CHMP4C: variants seen among roughly 807,000 people sequenced by gnomAD.
CHMP4C encodes the protein charged multivesicular body protein 4C.
A neutral mutation model predicts 29.0 loss-of-function variants in CHMP4C; 28 were observed. The ratio of observed to expected loss-of-function variants is 0.97; its 90% CI spans 0.72 to 1.32. The LOEUF is 1.32. Ranked by LOEUF, CHMP4C falls within the 40% of genes most tolerant of loss-of-function variation. The probability of loss-of-function intolerance (pLI) is 0.00; values close to 1 mark genes in which losing one functional copy is unlikely to be tolerated. For missense variants in CHMP4C, 291 were observed against 281.0 expected, an observed-to-expected ratio of 1.04 and a Z score of -0.25; for synonymous variants, 106 against 102.4, an observed-to-expected ratio of 1.04 and a Z score of -0.21.
chr8:81,736,108 TAAATAAA>T (rs1336042917), intron 1 of CHMP4C, among the ~76,000 whole-genome samples: 1 of 144,176 alleles, frequency 6.9e-6, no homozygotes, highest in Non-Finnish European at 1.5e-5. Flanking sequence ...AATAAATAAA[TAAATAAA>T]TAAATAAATA....
At position 81,755,525 on chromosome 8, in the gene CHMP4C, A is replaced by C. The variant is rs770651537; in HGVS notation, c.483+41A>C. On this transcript the variant is annotated intron_variant, in intron 3 of 4. Coordinates refer to ENST00000297265, the MANE Select transcript of CHMP4C (RefSeq NM_152284.4). ...TGAAGAATGCAGGATTGTGGCTGCT[A>C]TAAAGAGTAGCTTCCTGTCATATAT... 19 of 1,180,780 alleles carry C rather than the reference A, an allele frequency of 1.6e-5. No homozygotes were observed. In the Admixed American group the frequency reaches 3.1e-4, roughly 19 times the overall value. 73.1% of individuals were successfully genotyped at this position (1,180,780 alleles called of 1,614,324 possible).
chr8:81,749,528 T>G (rs985856361), intron 1 of CHMP4C, among the ~76,000 whole-genome samples: 2 of 152,190 alleles, frequency 1.3e-5, no homozygotes, highest in Admixed American at 1.3e-4. Context: ...AGGATACATT[T>G]TAGACATAAT....
chr8:81,736,918 A>G (rs1024775089), intron 1 of CHMP4C, among the ~76,000 whole-genome samples: 1 of 152,182 alleles, frequency 6.6e-6, no homozygotes, highest in African/African-American at 2.4e-5. Flanking sequence ...CCTCCCTTCA[A>G]ATTTATCTGG....
intron 1 of CHMP4C, among the ~76,000 whole-genome samples, chr8:81,739,414 A>AT: frequency 6.5e-5 from 1 of 15,378 alleles, no homozygotes; most frequent in Non-Finnish European, 1.0e-4. Context: ...GGCCTGGGGG[A>AT]TTGTGGGGGG....
chr8:81,735,054 C>T (rs1808670447), intron 1 of CHMP4C, among the ~76,000 whole-genome samples: 1 of 151,964 alleles, frequency 6.6e-6, no homozygotes, highest in Non-Finnish European at 1.5e-5. Context: ...CCACCATGCC[C>T]AGCTAATTTT....
In CHMP4C at chr8:81,732,709, G is replaced by A. The variant is rs867005892; in HGVS notation, c.83G>A (p.Arg28Gln). Residue 28 changes from arginine (R) to glutamine (Q), a missense_variant, in exon 1 of 5, where the codon CGA (arginine) becomes CAA (glutamine). Coordinates refer to ENST00000297265, the MANE Select transcript of CHMP4C (RefSeq NM_152284.4). Reference sequence around the variant, plus strand: ...CCCAGTCCCCAGGAGGCCCTGGTCCGACTTCGGGAGACTGAGGAGATGCTG... The same window carrying A: ...CCCAGTCCCCAGGAGGCCCTGGTCCAACTTCGGGAGACTGAGGAGATGCTG... Reference protein sequence around the residue: ...AAPSPQEALVRLRETEEMLGK... With the variant: ...AAPSPQEALVQLRETEEMLGK... The A allele has an allele frequency of 1.3e-6, 2 of 1,598,608 alleles. No individual in the cohort carries two copies. The highest frequency in any genetic ancestry group is 1.8e-5 in the Admixed American group (1 of 57,120).
At position 81,758,556 on chromosome 8, in the gene CHMP4C, T is replaced by C. The variant is rs781743197; in HGVS notation, c.*12T>C. The C allele has an allele frequency of 1.3e-6, 2 of 1,559,326 alleles. No individual in the cohort carries two copies. Among genetic ancestry groups the C allele is most frequent in the Non-Finnish European group, 1.8e-6 (2 of 1,130,242 alleles). On this transcript the variant is annotated 3_prime_UTR_variant, in exon 5 of 5. Transcript: ENST00000297265. ...CTTGGGCTACCTAAACTAAAACACATTTTTGATACCTAAATTAATGAGCTA... is the reference window on the plus strand; with the variant it reads ...CTTGGGCTACCTAAACTAAAACACACTTTTGATACCTAAATTAATGAGCTA...
Position 81,758,593 on chromosome 8 carries a change from T to TA in CHMP4C, c.*55dup, listed in dbSNP as rs773909459. ...AAATTAATGAGCTATAGATAAAATA[T>TA]AAAAAATGTTTTTACCAAGTTCAGA... On this transcript the variant is annotated 3_prime_UTR_variant, in exon 5 of 5. Coordinates refer to ENST00000297265, the MANE Select transcript of CHMP4C (RefSeq NM_152284.4). 8.1e-7 allele frequency: 1 copy of TA among 1,235,106 alleles called. No individual in the cohort carries two copies. Among genetic ancestry groups the TA allele is most frequent in the Non-Finnish European group, 1.2e-6 (1 of 845,668 alleles). The allele number at this position is 1,235,106 out of a possible 1,614,324, so 76.5% of individuals were successfully genotyped here. A position where few individuals can be genotyped will look rare whatever the true frequency, so the allele number is the denominator to read the frequency against.
chr8:81,732,554 C>T lies in CHMP4C; in HGVS notation c.-73C>T. On this transcript the variant is annotated 5_prime_UTR_variant, in exon 1 of 5. Coordinates refer to ENST00000297265, the MANE Select transcript of CHMP4C (RefSeq NM_152284.4). ...TCCCCGAGAGGACTGCCTTGCTCAC[C>T]TGTCCCCTCGGCGCGGCCCCGGGGA... The T allele has an allele frequency of 5.9e-6, 7 of 1,194,242 alleles. No individual in the cohort carries two copies. Among genetic ancestry groups the T allele is most frequent in the Non-Finnish European group, 8.1e-6 (7 of 862,174 alleles). The allele number at this position is 1,194,242 out of a possible 1,614,324, so 74.0% of individuals were successfully genotyped here. A position where few individuals can be genotyped will look rare whatever the true frequency, so the allele number is the denominator to read the frequency against.
intron 2 of CHMP4C, among the ~76,000 whole-genome samples, chr8:81,754,560 A>G (rs2042926912): frequency 6.6e-6 from 1 of 152,148 alleles, no homozygotes; most frequent in Admixed American, 6.6e-5. Flanking sequence ...TAGGCTACTT[A>G]ATAATGAGGG....
chr8:81,742,267 A>G (rs1047963886), intron 1 of CHMP4C, among the ~76,000 whole-genome samples: 4 of 152,214 alleles, frequency 2.6e-5, no homozygotes, highest in Admixed American at 2.0e-4. Flanking sequence ...CAACACTGTA[A>G]TCACTACTTG....
chr8:81,739,715 T>C (rs1808740186), intron 1 of CHMP4C, among the ~76,000 whole-genome samples: 1 of 152,222 alleles, frequency 6.6e-6, no homozygotes, highest in Non-Finnish European at 1.5e-5. Context: ...TTCTGAGCCA[T>C]TGCAAGGATC....
intron 1 of CHMP4C, among the ~76,000 whole-genome samples, chr8:81,752,419 T>A (rs1005254734): frequency 1.3e-5 from 2 of 152,148 alleles, no homozygotes; most frequent in African/African-American, 4.8e-5. Context: ...GATTATTTGG[T>A]TATCATTTCT....
At chr8:81,735,956 C>T (rs896497225) in intron 1 of CHMP4C, among the ~76,000 whole-genome samples, 1 of 151,794 alleles carries the variant, frequency 6.6e-6, no homozygotes, top group Non-Finnish European at 1.5e-5. Context: ...TGTGGTGGAG[C>T]GTGTCTGTAA....
chr8:81,758,138 T>C lies in CHMP4C; in HGVS notation c.484-4T>C. 1 of 1,613,684 alleles carries C rather than the reference T, an allele frequency of 6.2e-7. No homozygotes were observed. Among genetic ancestry groups the C allele is most frequent in the African/African-American group, 1.3e-5 (1 of 75,032 alleles). ...CCATAATTCTTCCTTTCTCCTGTGT[T>C]CAGGATGAGTTGATGGCAGAACTTG... On this transcript the variant is annotated splice_polypyrimidine_tract_variant and splice_region_variant and intron_variant, in intron 3 of 4. Coordinates refer to ENST00000297265, the MANE Select transcript of CHMP4C (RefSeq NM_152284.4).
chr8:81,748,261 T>C (rs554074437), intron 1 of CHMP4C, among the ~76,000 whole-genome samples: 216 of 152,316 alleles, frequency 1.4e-3, no homozygotes, highest in Non-Finnish European at 2.2e-3. Flanking sequence ...GATTTCATAT[T>C]ACACAAACAC....
chr8:81,754,957 G>A (rs1015284530), intron 2 of CHMP4C, among the ~76,000 whole-genome samples: 43 of 152,090 alleles, frequency 2.8e-4, no homozygotes, highest in African/African-American at 9.9e-4. Flanking sequence ...AAGGGCCGCT[G>A]TCAGATAGGG....
intron 1 of CHMP4C, among the ~76,000 whole-genome samples, chr8:81,737,763 T>G (rs1436674543): frequency 6.6e-6 from 1 of 152,194 alleles, no homozygotes; most frequent in Non-Finnish European, 1.5e-5. Context: ...GTTGTGGGGA[T>G]GAATGACATT....
At chr8:81,753,463 A>G (rs561565169) in intron 2 of CHMP4C, among the ~76,000 whole-genome samples, 161 of 152,134 alleles carry the variant, frequency 1.1e-3, no homozygotes, top group Non-Finnish European at 2.0e-3. Context: ...ATGTTTCCCC[A>G]TTACTTTATG....
Sources: allele counts gnomAD v4.1 joint callset (sites outside exome capture counted in the v4.1 genomes callset), GRCh38; gene constraint gnomAD v4.1.1; transcripts MANE v1.5; gene names NCBI Gene and HGNC (gene_info 2026-07-23, HGNC 2026-07-21).